Variants in STX7 observed in about 807,000 individuals in gnomAD.
STX7 encodes syntaxin-7.
A neutral mutation model predicts 39.6 loss-of-function variants in STX7; 34 were observed. That is an observed-to-expected ratio of 0.86 (90% CI 0.65 to 1.14). The LOEUF (loss-of-function observed/expected upper bound fraction) is 1.14, where lower values mean the gene tolerates loss of function less well. Ranked by LOEUF, STX7 falls within the 50% of genes most tolerant of loss-of-function variation. The pLI, the probability that STX7 is intolerant of heterozygous loss-of-function variation, is 0.00. For missense variants in STX7, 284 were observed against 310.4 expected, an observed-to-expected ratio of 0.92 and a Z score of 0.64; for synonymous variants, 119 against 99.1, an observed-to-expected ratio of 1.20 and a Z score of -1.19.
intron 9 of STX7, among the ~76,000 whole-genome samples, chr6:132,462,088 A>T (rs1178670641): frequency 5.9e-5 from 9 of 152,206 alleles, no homozygotes; most frequent in Admixed American, 5.9e-4. Context: ...CCAGTTGGTT[A>T]CCACAAACAC....
Position 132,459,636 on chromosome 6 carries a change from T to C in STX7, c.*1122A>G, listed in dbSNP as rs949438146. 2.0e-5 allele frequency: 3 copies of C among 152,216 alleles called. No individual in the cohort carries two copies. Among genetic ancestry groups the C allele is most frequent in the Admixed American group, 1.3e-4 (2 of 15,282 alleles). The allele number at this position is 152,216 out of a possible 1,614,324, so 9.4% of individuals were successfully genotyped here. On this transcript the variant is annotated 3_prime_UTR_variant, in exon 10 of 10. Transcript: ENST00000367941. Reference sequence around the variant, plus strand: ...CACCGCCTTCAGTACCGAGCTGCTATACAAGAACATTATAAAATACAAAGT... The same window carrying C: ...CACCGCCTTCAGTACCGAGCTGCTACACAAGAACATTATAAAATACAAAGT...
chr6:132,467,018 G>C (rs909584294), intron 8 of STX7, among the ~76,000 whole-genome samples: 1 of 152,138 alleles, frequency 6.6e-6, no homozygotes. Flanking sequence ...AAGCCAACAA[G>C]ATTGAGCATC....
rs1457214128 is a variant in STX7 at position 132,457,898 on chromosome 6, T to TTAAGG, written c.*2855_*2859dup. 1 of 152,230 alleles carries TTAAGG rather than the reference T, an allele frequency of 6.6e-6. No individual in the cohort carries two copies. Among genetic ancestry groups the TTAAGG allele is most frequent in the Admixed American group, 6.5e-5 (1 of 15,278 alleles). The allele number at this position is 152,230 out of a possible 1,614,324, so 9.4% of individuals were successfully genotyped here. A position where few individuals can be genotyped will look rare whatever the true frequency, so the allele number is the denominator to read the frequency against. On this transcript the variant is annotated 3_prime_UTR_variant, in exon 10 of 10. Coordinates refer to ENST00000367941, the MANE Select transcript of STX7 (RefSeq NM_003569.3). The stretch of plus-strand genomic sequence containing the variant: ...AAGTTACCCTTGTGGACCTTAGCTA[T>TTAAGG]TAAGGTGGACAATGACTTTATTTTC...
chr6:132,452,436 T>TA lies in STX7; in HGVS notation c.*8321dup. Reference sequence around the variant, plus strand: ...GGAATATAGGTCAGAAATGAAGAGATAAAACTATTCATTATTTGCAGATGA... The same window carrying TA: ...GGAATATAGGTCAGAAATGAAGAGATAAAAACTATTCATTATTTGCAGATGA... On this transcript the variant is annotated 3_prime_UTR_variant, in exon 10 of 10. Coordinates refer to ENST00000367941, the MANE Select transcript of STX7 (RefSeq NM_003569.3). 1 of 151,706 alleles carries TA rather than the reference T, an allele frequency of 6.6e-6. No individual in the cohort carries two copies. Among genetic ancestry groups the TA allele is most frequent in the African/African-American group, 2.4e-5 (1 of 41,384 alleles). 9.4% of individuals were successfully genotyped at this position (151,706 alleles called of 1,614,324 possible).
intron 1 of STX7, among the ~76,000 whole-genome samples, chr6:132,507,640 C>G (rs142812315): frequency 1.3e-3 from 191 of 150,438 alleles, no homozygotes; most frequent in African/African-American, 4.6e-3. Context: ...ATCAGTCCTT[C>G]ATTCCTTCAT....
intron 2 of STX7, among the ~76,000 whole-genome samples, chr6:132,485,066 A>G (rs887074341): frequency 6.6e-6 from 1 of 152,222 alleles, no homozygotes; most frequent in East Asian, 1.9e-4. Context: ...CTATAGTTTT[A>G]CAAGTTTGGA....
chr6:132,460,432 T>A lies in STX7; in HGVS notation c.*326A>T. 5.4e-6 allele frequency: 1 copy of A among 183,566 alleles called. No homozygotes were observed. The highest frequency in any genetic ancestry group is 1.1e-5 in the Non-Finnish European group (1 of 88,634). 11.4% of individuals were successfully genotyped at this position (183,566 alleles called of 1,614,324 possible). ...GAGATGCAAACAGAATACACACACC[T>A]TTAAATTTACGAATTCCCAAAACTA... On this transcript the variant is annotated 3_prime_UTR_variant, in exon 10 of 10. Coordinates refer to ENST00000367941, the MANE Select transcript of STX7 (RefSeq NM_003569.3).
In STX7 at chr6:132,449,750, T is replaced by A. The variant is rs1275658474; in HGVS notation, c.*11008A>T. On this transcript the variant is annotated 3_prime_UTR_variant, in exon 10 of 10. Coordinates refer to ENST00000367941, the MANE Select transcript of STX7 (RefSeq NM_003569.3). The stretch of plus-strand genomic sequence containing the variant: ...TTTAATATCTGCCTTTTAACACATC[T>A]CTCATTTCATGTTCGTTTTAATTCA... 1 of 152,236 alleles carries A rather than the reference T, an allele frequency of 6.6e-6. No homozygotes were observed. Among genetic ancestry groups the A allele is most frequent in the Non-Finnish European group, 1.5e-5 (1 of 68,046 alleles). 9.4% of individuals were successfully genotyped at this position (152,236 alleles called of 1,614,324 possible).
Position 132,472,346 on chromosome 6 carries a change from A to C in STX7, c.185T>G (p.Leu62Arg). The change falls in exon 4 of 10, where the codon CTT becomes CGT. Residue 62 changes from leucine (L) to arginine (R), a missense_variant. Transcript: ENST00000367941. ...LQQKQQYTNQ[L>R]AKETDKYIKE... ...AATGTACTTATCTGTTTCTTTGGCA[A>C]GCTGGTTAGTATACTGCTGCTTCTG... The C allele has an allele frequency of 6.2e-7, 1 of 1,613,652 alleles. No homozygotes were observed. Among genetic ancestry groups the C allele is most frequent in the Non-Finnish European group, 8.5e-7 (1 of 1,179,866 alleles).
intron 9 of STX7, chr6:132,461,882 T>G (rs1774415806): frequency 1.3e-6 from 2 of 1,535,922 alleles, no homozygotes; most frequent in Non-Finnish European, 1.8e-6. Flanking sequence ...GAAAAATTTG[T>G]AAATTTACTT....
chr6:132,513,158 C>T (rs183191035), upstream of STX7: 1 of 152,418 alleles, frequency 6.6e-6, no homozygotes, highest in Admixed American at 6.5e-5. Context: ...GGGGTTCACC[C>T]CTTTTCTATT....
intron 2 of STX7, among the ~76,000 whole-genome samples, chr6:132,501,781 G>A (rs926272476): frequency 1.2e-4 from 18 of 151,910 alleles, no homozygotes; most frequent in Admixed American, 3.3e-4. Flanking sequence ...TTCCACATAT[G>A]TAATTAGAAT....
rs372354234 is a variant in STX7, at chr6:132,460,821, G to C, written c.723C>G (p.Ile241Met). 23 of 1,613,396 alleles carry C rather than the reference G, an allele frequency of 1.4e-5. No individual in the cohort carries two copies. The highest frequency in any genetic ancestry group is 1.9e-5 in the Non-Finnish European group (22 of 1,179,754). The change falls in exon 10 of 10, where the codon ATC (isoleucine) becomes ATG (methionine). Residue 241 changes from isoleucine (I) to methionine (M), a missense_variant. Transcript: ENST00000367941. ...QRKSRKTLCIIILILVIGVAI... is the reference protein window; with the variant it reads ...QRKSRKTLCIMILILVIGVAI... ...CAACTCCAATGACAAGGATAAGAAT[G>C]ATGATGCACAGGGTTTTTCTGGATT...
chr6:132,505,781 C>T (rs1235109010), intron 1 of STX7, among the ~76,000 whole-genome samples: 1 of 130,196 alleles, frequency 7.7e-6, no homozygotes, highest in Admixed American at 7.7e-5. Context: ...TTTTGAATAG[C>T]CAAAGCAATT....
At chr6:132,489,200 T>TAAAAA (rs745673648) in intron 2 of STX7, among the ~76,000 whole-genome samples, 7 of 83,188 alleles carry the variant, frequency 8.4e-5, no homozygotes, top group African/African-American at 3.5e-4. Flanking sequence ...GACTCTGTCT[T>TAAAAA]AAAAAAAAAA....
intron 2 of STX7, among the ~76,000 whole-genome samples, chr6:132,480,174 G>A (rs1774981536): frequency 6.6e-6 from 1 of 151,976 alleles, no homozygotes; most frequent in Non-Finnish European, 1.5e-5. Flanking sequence ...AGAAATTACA[G>A]AGAAAAAAAA....
At chr6:132,502,070 TA>T (rs376215191) in intron 2 of STX7, among the ~76,000 whole-genome samples, 75 of 152,216 alleles carry the variant, frequency 4.9e-4, no homozygotes, top group African/African-American at 1.7e-3. Flanking sequence ...CTTCCAGAAA[TA>T]GGTAAAAAAC....
chr6:132,477,056 C>T (rs1490625340), intron 2 of STX7, among the ~76,000 whole-genome samples: 10 of 151,950 alleles, frequency 6.6e-5, no homozygotes, highest in African/African-American at 1.4e-4. Flanking sequence ...TTGGTCACCG[C>T]GAATGATGTA....
At chr6:132,507,277 C>T (rs752545569) in intron 1 of STX7, among the ~76,000 whole-genome samples, 9 of 152,078 alleles carry the variant, frequency 5.9e-5, no homozygotes, top group Non-Finnish European at 1.2e-4. Context: ...CATGTGCACC[C>T]CTTAAATTTA....
Sources: allele counts gnomAD v4.1 joint callset (sites outside exome capture counted in the v4.1 genomes callset), GRCh38; gene constraint gnomAD v4.1.1; transcripts MANE v1.5; gene names NCBI Gene and HGNC (gene_info 2026-07-23, HGNC 2026-07-21).